Variants in GPC5 observed in about 807,000 individuals in gnomAD.
GPC5 encodes the protein glypican-5.
GPC5 carries 47 observed loss-of-function variants against 53.9 expected under a neutral mutation model. The ratio of observed to expected loss-of-function variants is 0.87; its 90% CI spans 0.69 to 1.11. The LOEUF (loss-of-function observed/expected upper bound fraction) is 1.11. GPC5 is among the 50% of genes most tolerant of loss of function. The pLI is 0.00. For synonymous variants in GPC5, 286 were observed against 263.3 expected, an observed-to-expected ratio of 1.09 and a Z score of -0.84; for missense variants, 748 against 713.1, an observed-to-expected ratio of 1.05 and a Z score of -0.56.
At chr13:92,314,762 C>CTATCTT (rs2043167378) in intron 7 of GPC5, among the ~76,000 whole-genome samples, 1 of 152,074 alleles carries the variant, frequency 6.6e-6, no homozygotes, top group Non-Finnish European at 1.5e-5. Context: ...GAAGAGTGCT[C>CTATCTT]TATTTTTATT....
At chr13:92,746,217 G>A (rs1298009878) in intron 7 of GPC5, among the ~76,000 whole-genome samples, 5 of 151,840 alleles carry the variant, frequency 3.3e-5, no homozygotes, top group Non-Finnish European at 7.4e-5. Context: ...CTTTATAAAA[G>A]GTGCTTCAAA....
At chr13:92,093,668 T>C (rs550516020) in intron 6 of GPC5, among the ~76,000 whole-genome samples, 60 of 152,302 alleles carry the variant, frequency 3.9e-4, no homozygotes, top group South Asian at 2.5e-3. Flanking sequence ...ACCCTGTAAG[T>C]GCAATTCTAC....
At chr13:91,536,598 A>T (rs1343530146) in intron 2 of GPC5, among the ~76,000 whole-genome samples, 1 of 152,168 alleles carries the variant, frequency 6.6e-6, no homozygotes, top group Non-Finnish European at 1.5e-5. Context: ...GTTGTGAGGG[A>T]AGGATCTACT....
At chr13:92,320,972 A>G (rs17430852) in intron 7 of GPC5, among the ~76,000 whole-genome samples, 2,414 of 152,322 alleles carry the variant, frequency 0.016, 32 homozygotes, top group Non-Finnish European at 0.027. Flanking sequence ...TTGAAATTTA[A>G]TATGAGTTAT....
At chr13:91,770,353 T>A (rs2037599892) in intron 5 of GPC5, among the ~76,000 whole-genome samples, 1 of 152,136 alleles carries the variant, frequency 6.6e-6, no homozygotes, top group African/African-American at 2.4e-5. Flanking sequence ...TGAGTATTAA[T>A]CCATCATCAA....
At chr13:92,458,590 G>T (rs532041317) in intron 7 of GPC5, among the ~76,000 whole-genome samples, 13 of 151,934 alleles carry the variant, frequency 8.6e-5, no homozygotes, top group African/African-American at 3.1e-4. Flanking sequence ...GAGCTACCGT[G>T]CCCTGCCTTA....
chr13:92,691,999 G>T (rs540563681), intron 7 of GPC5, among the ~76,000 whole-genome samples: 2 of 152,110 alleles, frequency 1.3e-5, no homozygotes, highest in Non-Finnish European at 2.9e-5. Context: ...ATATGGAACA[G>T]TTAATTTTTC....
At chr13:91,606,350 T>A (rs9515954) in intron 2 of GPC5, among the ~76,000 whole-genome samples, 142,700 of 146,878 alleles carry the variant, frequency 0.97, 69,455 homozygotes, top group East Asian at 1. Flanking sequence ...TGCTGGATTC[T>A]GTTTGCCAGT....
chr13:91,639,004 A>G (rs1190644437), intron 2 of GPC5, among the ~76,000 whole-genome samples: 1 of 152,248 alleles, frequency 6.6e-6, no homozygotes, highest in Non-Finnish European at 1.5e-5. Context: ...AAGTATGAAT[A>G]GCATTTTCTA....
At chr13:91,955,426 A>G (rs1339537732) in intron 6 of GPC5, among the ~76,000 whole-genome samples, 2 of 152,220 alleles carry the variant, frequency 1.3e-5, no homozygotes, top group Non-Finnish European at 2.9e-5. Flanking sequence ...TAGCAAGTAG[A>G]TAATCACACT....
intron 7 of GPC5, among the ~76,000 whole-genome samples, chr13:92,627,121 G>A (rs1245398799): frequency 6.6e-6 from 1 of 152,112 alleles, no homozygotes; most frequent in Non-Finnish European, 1.5e-5. Context: ...AGGAATGTGG[G>A]TAAAATTTAG....
chr13:91,750,809 T>A (rs2037158976), intron 4 of GPC5, among the ~76,000 whole-genome samples: 1 of 150,656 alleles, frequency 6.6e-6, no homozygotes, highest in African/African-American at 2.4e-5. Context: ...ATTACAGGCC[T>A]GCGCCACCAT....
chr13:91,571,259 T>C (rs2031766637), intron 2 of GPC5, among the ~76,000 whole-genome samples: 1 of 152,164 alleles, frequency 6.6e-6, no homozygotes, highest in Non-Finnish European at 1.5e-5. Context: ...ACATTTCTGA[T>C]TTTAACTCTT....
intron 7 of GPC5, among the ~76,000 whole-genome samples, chr13:92,730,068 G>A (rs117939564): frequency 0.012 from 1,829 of 151,408 alleles, 13 homozygotes; most frequent in Non-Finnish European, 0.017. Context: ...ATAGTATAAA[G>A]ATAATGAGGC....
chr13:92,444,326 A>G (rs1877704019), intron 7 of GPC5, among the ~76,000 whole-genome samples: 1 of 152,166 alleles, frequency 6.6e-6, no homozygotes, highest in Non-Finnish European at 1.5e-5. Context: ...GTGAGAAGCA[A>G]GAAAAAGGGA....
chr13:92,785,166 C>T (rs1876173634), intron 7 of GPC5, among the ~76,000 whole-genome samples: 1 of 152,100 alleles, frequency 6.6e-6, no homozygotes, highest in South Asian at 2.1e-4. Flanking sequence ...ATCCCAGCTA[C>T]TCGGGAGGCT....
At chr13:92,715,716 G>GA (rs1566380675) in intron 7 of GPC5, among the ~76,000 whole-genome samples, 2 of 152,146 alleles carry the variant, frequency 1.3e-5, no homozygotes, top group Non-Finnish European at 2.9e-5. Flanking sequence ...GTATACAGTA[G>GA]AGAAAATACA....
At chr13:91,953,450 A>G (rs1052005487) in intron 6 of GPC5, among the ~76,000 whole-genome samples, 1 of 152,168 alleles carries the variant, frequency 6.6e-6, no homozygotes, top group Non-Finnish European at 1.5e-5. Flanking sequence ...CCGAGTATGT[A>G]CAAACCAAAT....
At chr13:92,242,754 C>G (rs1026503254) in intron 7 of GPC5, among the ~76,000 whole-genome samples, 3 of 152,176 alleles carry the variant, frequency 2.0e-5, no homozygotes, top group Admixed American at 2.0e-4. Flanking sequence ...AAAATTATAA[C>G]CTATTAGTCT....
Sources: allele counts gnomAD v4.1 joint callset (sites outside exome capture counted in the v4.1 genomes callset), GRCh38; gene constraint gnomAD v4.1.1; transcripts MANE v1.5; gene names NCBI Gene and HGNC (gene_info 2026-07-23, HGNC 2026-07-21).